Variants in RYR2 observed in about 807,000 individuals in gnomAD.
The protein encoded by RYR2 is cardiac muscle ryanodine receptor-calcium release channel.
RYR2 carries 227 observed loss-of-function variants against 601.1 expected under a neutral mutation model. The ratio of observed to expected loss-of-function variants is 0.38; its 90% CI spans 0.34 to 0.42. RYR2 has a LOEUF of 0.42. Ranked by LOEUF, RYR2 falls within the 10% of genes least tolerant of loss-of-function variation. The pLI is 1.00. For missense variants in RYR2, 4,646 were observed against 6,156.5 expected, an observed-to-expected ratio of 0.75 and a Z score of 8.21; for synonymous variants, 2,223 against 2,175.1, an observed-to-expected ratio of 1.02 and a Z score of -0.61.
In RYR2 at chr1:237,532,266, C is replaced by T. The variant is rs567314784; in HGVS notation, c.2906+1756C>T. 3.4e-4 allele frequency among the ~76,000 whole-genome samples: 51 copies of T among 152,138 alleles called. No homozygotes were observed. The Middle Eastern group carries it at 0.01, about 30-fold the overall frequency. On this transcript the variant is annotated intron_variant, in intron 25 of 104. Transcript: ENST00000366574. ...TTTATCCAATTACATTATGTATTCA[C>T]GTACAAATAATATTTATTGATAGAG...
intron 3 of RYR2, among the ~76,000 whole-genome samples, chr1:237,344,049 CT>C (rs1698074350): frequency 6.6e-6 from 1 of 152,148 alleles, no homozygotes; most frequent in Non-Finnish European, 1.5e-5. Flanking sequence ...TCTCGAACTC[CT>C]TACCTCAGGT....
chr1:237,689,036 G>A (rs960365641), intron 63 of RYR2, among the ~76,000 whole-genome samples: 4 of 152,140 alleles, frequency 2.6e-5, no homozygotes, highest in African/African-American at 9.7e-5. Flanking sequence ...GTCGTGGTGA[G>A]AGAATCACTT....
In RYR2 at chr1:237,107,327, C is replaced by G. The variant is rs559349791; in HGVS notation, c.48+64758C>G. 2.3e-4 allele frequency among the ~76,000 whole-genome samples: 35 copies of G among 151,464 alleles called. No individual in the cohort carries two copies. The East Asian group carries it at 6.7e-3, about 29-fold the overall frequency. On this transcript the variant is annotated intron_variant, in intron 1 of 104. Coordinates refer to ENST00000366574, the MANE Select transcript of RYR2 (RefSeq NM_001035.3). ...ACGAGGTCAGGAGATCGAGACCATC[C>G]TGGCTAACACGGTGAAACCCCGTCT...
At chr1:237,633,972 C>T (rs189553818) in intron 43 of RYR2, among the ~76,000 whole-genome samples, 5 of 152,020 alleles carry the variant, frequency 3.3e-5, no homozygotes, top group African/African-American at 7.2e-5. Context: ...TAAGTGTTGG[C>T]GAGGGTGTGG....
intron 58 of RYR2, among the ~76,000 whole-genome samples, chr1:237,669,698 G>A (rs201081887): frequency 1.3e-5 from 2 of 151,000 alleles, no homozygotes; most frequent in Admixed American, 1.3e-4. Context: ...ATGGGCGGCC[G>A]GGCAGAGACG....
intron 1 of RYR2, among the ~76,000 whole-genome samples, chr1:237,089,239 A>G (rs1480377397): frequency 6.6e-6 from 1 of 152,236 alleles, no homozygotes; most frequent in Non-Finnish European, 1.5e-5. Context: ...TTACACATAA[A>G]TGAAGAAAGC....
At chr1:237,596,375 T>C (rs1675894854) in intron 34 of RYR2, among the ~76,000 whole-genome samples, 1 of 152,016 alleles carries the variant, frequency 6.6e-6, no homozygotes, top group Non-Finnish European at 1.5e-5. Context: ...TAAACAGAAA[T>C]CTTGTAACTC....
chr1:237,577,841 C>T (rs1673438064), intron 29 of RYR2, among the ~76,000 whole-genome samples: 1 of 152,190 alleles, frequency 6.6e-6, no homozygotes, highest in Non-Finnish European at 1.5e-5. Context: ...CTTACTCTGT[C>T]ACCCAGGCTG....
chr1:237,528,108 C>T (rs959801472), intron 24 of RYR2, among the ~76,000 whole-genome samples: 2 of 152,074 alleles, frequency 1.3e-5, no homozygotes, highest in South Asian at 4.2e-4. Context: ...ATTAAAGATG[C>T]TGGCAATTTG....
At chr1:237,652,619 A>G (rs1200267730) in intron 51 of RYR2, among the ~76,000 whole-genome samples, 3 of 152,194 alleles carry the variant, frequency 2.0e-5, no homozygotes, top group African/African-American at 7.2e-5. Context: ...ATCTGGATAC[A>G]TTAGTGAATT....
At chr1:237,216,783 CA>C (rs368202599) in intron 1 of RYR2, among the ~76,000 whole-genome samples, 9 of 148,192 alleles carry the variant, frequency 6.1e-5, no homozygotes, top group Non-Finnish European at 1.3e-4. Context: ...CAAAACAAAA[CA>C]AAAAAAAGCA....
At chr1:237,584,304 G>A (rs1364425358) in intron 29 of RYR2, among the ~76,000 whole-genome samples, 2 of 152,144 alleles carry the variant, frequency 1.3e-5, no homozygotes, top group African/African-American at 4.8e-5. Context: ...TAAGAGTGAT[G>A]TCATTTACCA....
intron 20 of RYR2, among the ~76,000 whole-genome samples, chr1:237,498,251 T>C (rs1664279622): frequency 6.6e-6 from 1 of 152,124 alleles, no homozygotes; most frequent in Non-Finnish European, 1.5e-5. Context: ...ATCTAACCTC[T>C]GAGGAATGTG....
rs1022220608 is a variant in RYR2, at chr1:237,142,551, C to G, written c.48+99982C>G. ...CCACAGGGCATGGAGGAAAGGGGAA[C>G]CCTACAACCTGACTGCTGCAGTGCT... is the stretch of plus-strand genomic sequence containing the variant. On this transcript the variant is annotated intron_variant, in intron 1 of 104. Transcript: ENST00000366574. Among the ~76,000 whole-genome samples the G allele has an allele frequency of 1.3e-5, 2 of 152,172 alleles. 1 individual carries two copies. The highest frequency in any genetic ancestry group is 4.1e-4 in the South Asian group (2 of 4,826).
intron 1 of RYR2, among the ~76,000 whole-genome samples, chr1:237,226,536 G>A (rs1684384902): frequency 6.6e-6 from 1 of 152,144 alleles, no homozygotes; most frequent in Admixed American, 6.6e-5. Context: ...AGCAGTACTT[G>A]GAGAGACACT....
At chr1:237,241,870 T>C (rs1686207754) in intron 1 of RYR2, among the ~76,000 whole-genome samples, 1 of 152,170 alleles carries the variant, frequency 6.6e-6, no homozygotes, top group African/African-American at 2.4e-5. Flanking sequence ...CTACGTATAA[T>C]GAGTAGTGAG....
At chr1:237,353,523 A>G (rs1296433488) in intron 3 of RYR2, among the ~76,000 whole-genome samples, 1 of 151,624 alleles carries the variant, frequency 6.6e-6, no homozygotes, top group Non-Finnish European at 1.5e-5. Context: ...AAAAAAAAAA[A>G]AAAAAAAAGA....
chr1:237,126,742 A>C (rs1671475178), intron 1 of RYR2, among the ~76,000 whole-genome samples: 2 of 151,988 alleles, frequency 1.3e-5, no homozygotes, highest in African/African-American at 4.8e-5. Flanking sequence ...CTGTGTAAAG[A>C]CTTATGGAAA....
intron 99 of RYR2, among the ~76,000 whole-genome samples, chr1:237,807,054 A>C (rs546647287): frequency 3.9e-5 from 6 of 152,282 alleles, no homozygotes; most frequent in African/African-American, 1.4e-4. Flanking sequence ...TTGCCTCTCT[A>C]AAAGCTTTGA....
Sources: gnomAD v4.1 joint callset for allele counts (sites outside exome capture counted in the v4.1 genomes callset) on GRCh38, gnomAD v4.1.1 for gene constraint, MANE v1.5 for transcripts, NCBI Gene and HGNC (gene_info 2026-07-23, HGNC 2026-07-21) for gene names.